The following NDUFS8 variants were observed in gnomAD, a reference collection of about 807,000 sequenced individuals.
The protein encoded by NDUFS8 is NADH:ubiquinone oxidoreductase core subunit S8, also known as NADH dehydrogenase [ubiquinone] iron-sulfur protein 8, mitochondrial.
Under a neutral mutation model 25.6 loss-of-function variants are expected in NDUFS8, and 13 were observed. That is an observed-to-expected ratio of 0.51 (90% CI 0.33 to 0.81). The LOEUF (loss-of-function observed/expected upper bound fraction) is 0.81. Ranked by LOEUF, NDUFS8 falls within the 30% of genes least tolerant of loss-of-function variation. The pLI is 0.02. For synonymous variants in NDUFS8, 119 were observed against 119.4 expected (o/e 1.00, Z 0.02); for missense variants, 257 against 300.9 (o/e 0.85, Z 1.08).
rs1369701704 is a variant in NDUFS8 at position 68,032,948 on chromosome 11, G to A, written c.135G>A (p.Glu45=). The change falls in exon 4 of 7, where the codon GAG becomes GAA. Residue 45 remains glutamate (E), a synonymous_variant. Coordinates refer to ENST00000313468, the MANE Select transcript of NDUFS8 (RefSeq NM_002496.4). ...TYKYVNMQDP[E]MDMKSVTDRA... The stretch of plus-strand genomic sequence containing the variant: ...AGTATGTGAACATGCAGGATCCCGA[G>A]ATGGACATGAAGTCAGTGACTGACC... The A allele has an allele frequency of 2.5e-6, 4 of 1,613,804 alleles. No homozygotes were observed. The highest frequency in any genetic ancestry group is 3.4e-6 in the Non-Finnish European group (4 of 1,180,010).
intron 5 of NDUFS8, among the ~76,000 whole-genome samples, chr11:68,035,434 AAAC>A: frequency 6.6e-6 from 1 of 152,292 alleles, no homozygotes; most frequent in South Asian, 2.1e-4. Flanking sequence ...CTGTCTCAAA[AAAC>A]AAAAACAACA....
chr11:68,030,931 G>A (rs1315323765), intron 1 of NDUFS8, 198 bp downstream of exon 1: 2 of 433,764 alleles, frequency 4.6e-6, no homozygotes, highest in African/African-American at 2.1e-5. Context: ...CTGCGCCACC[G>A]GCCTAGTTAG....
chr11:68,032,368 G>A, intron 3 of NDUFS8, 32 bp downstream of exon 3: 1 of 1,612,870 alleles, frequency 6.2e-7, no homozygotes, highest in Non-Finnish European at 8.5e-7. Flanking sequence ...AGCCTCAGGT[G>A]TTCCTGACTG....
At chr11:68,035,772 C>T (rs1439995881) in intron 5 of NDUFS8, 1 of 451,728 alleles carries the variant, frequency 2.2e-6, no homozygotes, top group East Asian at 7.0e-5. Flanking sequence ...GTAATCCCAG[C>T]ACTTTGGGAG....
intron 5 of NDUFS8, chr11:68,033,740 A>G (rs1421522184): frequency 4.0e-6 from 1 of 247,844 alleles, no homozygotes. Flanking sequence ...GCCTGCCAGC[A>G]CGGGAACAAT....
intron 5 of NDUFS8, chr11:68,033,798 A>T (rs969165338): frequency 5.7e-6 from 1 of 174,598 alleles, no homozygotes; most frequent in Admixed American, 5.5e-5. Flanking sequence ...GCCTGGCAGG[A>T]GCCCCGGCAG....
chr11:68,033,345 C>T (rs1854811077), intron 5 of NDUFS8, 62 bp downstream of exon 5: 4 of 1,552,054 alleles, frequency 2.6e-6, no homozygotes, highest in East Asian at 2.3e-5. Flanking sequence ...GGAGGCCAGG[C>T]AGCCCTAGGC....
At chr11:68,034,722 G>A (rs552629107) in intron 5 of NDUFS8, 11 of 147,476 alleles carry the variant, frequency 7.5e-5, no homozygotes, top group African/African-American at 2.3e-4. Flanking sequence ...GCTGAGGCAC[G>A]ATAATCACTT....
chr11:68,033,415 A>T (rs1854812647), intron 5 of NDUFS8, 132 bp downstream of exon 5: 1 of 1,065,484 alleles, frequency 9.4e-7, no homozygotes, highest in Non-Finnish European at 1.4e-6. Context: ...CCTCTGAGCC[A>T]CTTCCCTCGT....
In NDUFS8 at chr11:68,032,085, G is replaced by A. The variant is rs930622096; in HGVS notation, c.1-67G>A. On this transcript the variant is annotated intron_variant, in intron 1 of 6. Transcript: ENST00000313468. ...GTCAGTGGAGACTTGGGATCCTTGCGGTGCCAGTCTCAGAAGAGGATGGTT... is the reference window on the plus strand; with the variant it reads ...GTCAGTGGAGACTTGGGATCCTTGCAGTGCCAGTCTCAGAAGAGGATGGTT... 5.0e-5 allele frequency: 80 copies of A among 1,604,560 alleles called. No homozygotes were observed. In the Admixed American group the frequency reaches 6.8e-4, roughly 14 times the overall value.
chr11:68,035,997 G>A (rs181670645), intron 5 of NDUFS8: 12 of 438,492 alleles, frequency 2.7e-5, no homozygotes, highest in East Asian at 1.5e-4. Flanking sequence ...CCAGCCTGGC[G>A]ACAGAGCGAG....
intron 1 of NDUFS8, chr11:68,031,851 C>T: frequency 2.0e-6 from 1 of 505,368 alleles, no homozygotes; most frequent in Non-Finnish European, 3.6e-6. Flanking sequence ...AAGGGAGGAG[C>T]AGAAAGGTGG....
chr11:68,035,353 C>T (rs4575281), intron 5 of NDUFS8: 1 of 155,546 alleles, frequency 6.4e-6, no homozygotes, highest in South Asian at 1.5e-4. Flanking sequence ...TCGCTTGAGC[C>T]TGGGAGGTTG....
rs771857112 is a variant in NDUFS8, at chr11:68,035,596, G to A, written c.373-657G>A. 16 of 323,154 alleles carry A rather than the reference G, an allele frequency of 5.0e-5. No individual in the cohort carries two copies. In the Middle Eastern group the frequency reaches 1.2e-3, roughly 24 times the overall value. 20.0% of individuals were successfully genotyped at this position (323,154 alleles called of 1,614,324 possible). ...AAATATCTGGAAAGCTTGGTGAGGC[G>A]AGGCGGGACTGTAACTCAGCACTCA... is the stretch of plus-strand genomic sequence containing the variant. On this transcript the variant is annotated intron_variant, in intron 5 of 6. Coordinates refer to ENST00000313468, the MANE Select transcript of NDUFS8 (RefSeq NM_002496.4).
At chr11:68,032,864 C>T in intron 3 of NDUFS8, 59 bp from the exon 4 acceptor site, 1 of 1,548,136 alleles carries the variant, frequency 6.5e-7, no homozygotes, top group South Asian at 1.1e-5. Context: ...CTCCCTGAGG[C>T]TCCAGGGAGA....
intron 5 of NDUFS8, chr11:68,034,766 T>C (rs1464888278): frequency 7.2e-6 from 1 of 138,120 alleles, no homozygotes; most frequent in African/African-American, 2.8e-5. Context: ...TGAGCCAAAA[T>C]TGAAAAAAAA....
chr11:68,032,577 G>C (rs1031177280), intron 3 of NDUFS8: 7 of 1,407,584 alleles, frequency 5.0e-6, no homozygotes, highest in African/African-American at 2.9e-5. Flanking sequence ...GGGGTTGCCA[G>C]GTGTGAGCCA....
At chr11:68,033,674 C>T (rs919116823) in intron 5 of NDUFS8, 2 of 323,010 alleles carry the variant, frequency 6.2e-6, no homozygotes, top group African/African-American at 4.3e-5. Flanking sequence ...GGCTGCTCCC[C>T]TGAGGCCCGG....
chr11:68,032,987 C>G lies in NDUFS8; in HGVS notation c.174C>G (p.Thr58=). ...CAGTGACTGACCGGGCAGCCCGCAC[C>G]CTGCTGTGGACTGAGCTCTTCCGAG... The part of the protein sequence containing the change: ...MKSVTDRAAR[T]LLWTELFRGL... The change falls in exon 4 of 7, where the codon ACC becomes ACG. Residue 58 remains threonine, a synonymous_variant. Coordinates refer to ENST00000313468, the MANE Select transcript of NDUFS8 (RefSeq NM_002496.4). 2 of 1,613,852 alleles carry G rather than the reference C, an allele frequency of 1.2e-6. No individual in the cohort carries two copies. Among genetic ancestry groups the G allele is most frequent in the South Asian group, 2.2e-5 (2 of 91,086 alleles).
Sources: allele counts gnomAD v4.1 joint callset (sites outside exome capture counted in the v4.1 genomes callset), GRCh38; gene constraint gnomAD v4.1.1; transcripts MANE v1.5; gene names NCBI Gene and HGNC (gene_info 2026-07-23, HGNC 2026-07-21).